GCN1: variants seen among roughly 807,000 people sequenced by gnomAD.
The protein encoded by GCN1 is stalled ribosome sensor GCN1.
GCN1 carries 90 observed loss-of-function variants against 288.4 expected under a neutral mutation model. The observed-to-expected ratio is 0.31, with a 90% CI of 0.26 to 0.37. The LOEUF (loss-of-function observed/expected upper bound fraction) is 0.37, where lower values mean the gene tolerates loss of function less well. Ranked by LOEUF, GCN1 falls within the 10% of genes least tolerant of loss-of-function variation. The pLI is 1.00. For synonymous variants in GCN1, 1,386 were observed against 1,420.2 expected (o/e 0.98, Z 0.54); for missense variants, 2,586 against 3,419.9 (o/e 0.76, Z 6.08).
intron 2 of GCN1, among the ~76,000 whole-genome samples, chr12:120,186,612 A>G (rs1386734166): frequency 6.6e-6 from 1 of 152,194 alleles, no homozygotes; most frequent in African/African-American, 2.4e-5. Flanking sequence ...ACAGGGACGC[A>G]GTTTCCCCAG....
intron 18 of GCN1, 106 bp from the exon 19 acceptor site, chr12:120,163,365 T>C: frequency 1.2e-6 from 1 of 855,778 alleles, no homozygotes; most frequent in Non-Finnish European, 1.8e-6. Context: ...AGTTCTTCCC[T>C]GGGGTCCTTG....
chr12:120,128,814 G>A (rs1170547399), intron 57 of GCN1, among the ~76,000 whole-genome samples: 1 of 150,888 alleles, frequency 6.6e-6, no homozygotes, highest in African/African-American at 2.4e-5. Context: ...TATGTTTTCA[G>A]GTACTGGGCC....
At chr12:120,139,649 G>C (rs1877126964) in intron 45 of GCN1, among the ~76,000 whole-genome samples, 1 of 151,872 alleles carries the variant, frequency 6.6e-6, no homozygotes, top group South Asian at 2.1e-4. Context: ...AAAGCAGAGA[G>C]GATGTGATGC....
Position 120,134,249 on chromosome 12 carries a change from C to G in GCN1, c.7317+42G>C. On this transcript the variant is annotated intron_variant, in intron 53 of 57. Coordinates refer to ENST00000300648, the MANE Select transcript of GCN1 (RefSeq NM_006836.2). This position sits in a 1 kb window ranked among gnomAD's most constrained non-coding sequence, Gnocchi z 5.0. Reference sequence around the variant, plus strand: ...CTCAACCTAAGGAGGAGGAGGGAAACCAGTGGTCCAGTGCTGCCACTAGTC... The same window carrying G: ...CTCAACCTAAGGAGGAGGAGGGAAAGCAGTGGTCCAGTGCTGCCACTAGTC... The G allele has an allele frequency of 1.5e-6, 2 of 1,342,982 alleles. No individual in the cohort carries two copies. The highest frequency in any genetic ancestry group is 1.2e-5 in the South Asian group (1 of 85,772). 83.2% of individuals were successfully genotyped at this position (1,342,982 alleles called of 1,614,324 possible).
intron 53 of GCN1, among the ~76,000 whole-genome samples, chr12:120,132,658 C>T (rs943212875): frequency 2.6e-5 from 4 of 152,204 alleles, no homozygotes; most frequent in Admixed American, 6.5e-5. Context: ...GCCAGGTACG[C>T]GAGCGGCTCC....
chr12:120,183,255 T>C (rs1165320205), intron 5 of GCN1, among the ~76,000 whole-genome samples: 2 of 152,256 alleles, frequency 1.3e-5, no homozygotes, highest in African/African-American at 4.8e-5. Flanking sequence ...GATTTTTGGC[T>C]GTCTTCCCAA....
At chr12:120,181,000 AAAAAAG>A (rs1239219255) in intron 5 of GCN1, among the ~76,000 whole-genome samples, 1 of 152,058 alleles carries the variant, frequency 6.6e-6, no homozygotes, top group Non-Finnish European at 1.5e-5. Flanking sequence ...TCAAAAAAAA[AAAAAAG>A]AAAAAGAAAA....
chr12:120,138,665 G>A (rs746469174), intron 46 of GCN1, 30 bp downstream of exon 46: 1 of 1,597,862 alleles, frequency 6.3e-7, no homozygotes, highest in African/African-American at 1.3e-5. Flanking sequence ...AAGCCAAACT[G>A]GTAGGTAGGT....
chr12:120,178,567 G>A (rs1240346213), intron 7 of GCN1, 58 bp downstream of exon 7: 1 of 1,585,584 alleles, frequency 6.3e-7, no homozygotes, highest in African/African-American at 1.3e-5. Flanking sequence ...CTTCCCTCCA[G>A]CGAGCTCCCA....
intron 15 of GCN1, 68 bp from the exon 16 acceptor site, chr12:120,168,368 C>T (rs1878201811): frequency 1.1e-6 from 1 of 920,230 alleles, no homozygotes; most frequent in Non-Finnish European, 1.8e-6. Flanking sequence ...CTACTCCATC[C>T]TGAAGCTGCT....
chr12:120,166,292 A>C (rs1407235432), intron 16 of GCN1, among the ~76,000 whole-genome samples: 4 of 151,052 alleles, frequency 2.6e-5, no homozygotes, highest in African/African-American at 9.7e-5. Flanking sequence ...AGTCCCAGCT[A>C]CTCAAAGAGG....
intron 56 of GCN1, 22 bp downstream of exon 56, chr12:120,130,624 C>T: frequency 1.3e-6 from 2 of 1,525,452 alleles, no homozygotes; most frequent in South Asian, 1.1e-5. Flanking sequence ...AGGGCTTAAA[C>T]ACATGCTTGG....
chr12:120,181,787 C>T (rs1257918170), intron 5 of GCN1, among the ~76,000 whole-genome samples: 5 of 142,798 alleles, frequency 3.5e-5, no homozygotes, highest in African/African-American at 5.3e-5. Flanking sequence ...TGCGGTGAGC[C>T]GAGATCGCGC....
Position 120,144,774 on chromosome 12 carries a change from G to A in GCN1, c.5217C>T (p.Ile1739=), listed in dbSNP as rs752430496. 6.8e-6 allele frequency: 11 copies of A among 1,613,966 alleles called. No individual in the cohort carries two copies. The highest frequency in any genetic ancestry group is 4.5e-5 in the East Asian group (2 of 44,892). The change falls in exon 41 of 58, where the codon ATC becomes ATT. Residue 1739 remains isoleucine (I), a synonymous_variant. Transcript: ENST00000300648. The surrounding 1 kb of genome is among the most constrained non-coding windows in gnomAD (Gnocchi z 4.7). ...VEKLEKLMPE[I]VATASKVDIA... ...TGTCCACTTTGCTGGCTGTAGCCAC[G>A]ATTTCTGGCATCAACTTCTCCAACT...
At chr12:120,129,595 C>A (rs1876746821) in intron 56 of GCN1, 101 bp from the exon 57 acceptor site, 2 of 853,846 alleles carry the variant, frequency 2.3e-6, no homozygotes, top group Non-Finnish European at 2.0e-6. Flanking sequence ...AGCATGAACA[C>A]TGACCCCCCC....
At position 120,151,435 on chromosome 12, in the gene GCN1, C is replaced by A. The variant is rs2286047; in HGVS notation, c.4063-44G>T. ...GTCAATGCTGTGGCTCCGCTGCAGC[C>A]GTTTCATGGTTGGTGGGGGGTCTGA... On this transcript the variant is annotated intron_variant, in intron 33 of 57. Coordinates refer to ENST00000300648, the MANE Select transcript of GCN1 (RefSeq NM_006836.2). 6.2e-6 allele frequency: 10 copies of A among 1,603,716 alleles called. No individual in the cohort carries two copies. The East Asian group carries it at 2.2e-4, about 36-fold the overall frequency.
chr12:120,130,949 C>T (rs1044895611), intron 55 of GCN1, among the ~76,000 whole-genome samples, 196 bp from the exon 56 acceptor site: 1 of 152,174 alleles, frequency 6.6e-6, no homozygotes, highest in Non-Finnish European at 1.5e-5. Context: ...AACAGGGATC[C>T]AAGACCTGAC....
chr12:120,182,589 C>A (rs1228064114), intron 5 of GCN1, among the ~76,000 whole-genome samples: 1 of 152,160 alleles, frequency 6.6e-6, no homozygotes, highest in Non-Finnish European at 1.5e-5. Flanking sequence ...TCCCACTTTG[C>A]AAATGAGGAA....
chr12:120,150,901 C>T (rs1304576344), intron 34 of GCN1, among the ~76,000 whole-genome samples: 1 of 151,560 alleles, frequency 6.6e-6, no homozygotes, highest in Non-Finnish European at 1.5e-5. Flanking sequence ...CACGCCACTG[C>T]ACTCTAGCCT....
Sources: gnomAD v4.1 joint callset for allele counts (sites outside exome capture counted in the v4.1 genomes callset) on GRCh38, gnomAD v4.1.1 for gene constraint, Gnocchi (gnomAD v3.1) non-coding constraint, MANE v1.5 for transcripts, NCBI Gene and HGNC (gene_info 2026-07-23, HGNC 2026-07-21) for gene names.